Variants in CALN1 observed in about 807,000 individuals in gnomAD.
CALN1 encodes the protein calneuron 1.
In CALN1, 17 loss-of-function variants were observed where a neutral mutation model predicts 30.6. That is an observed-to-expected ratio of 0.56 (90% CI 0.38 to 0.83). The LOEUF is 0.83. Among genes scored for constraint, CALN1 ranks in the 40% least tolerant of loss-of-function variants. CALN1 has a pLI of 0.00. For missense variants in CALN1, 291 were observed against 354.9 expected (o/e 0.82, Z 1.45); for synonymous variants, 156 against 131.4 (o/e 1.19, Z -1.28).
intron 5 of CALN1, among the ~76,000 whole-genome samples, chr7:72,008,731 C>T (rs1426185659): frequency 6.6e-6 from 1 of 150,810 alleles, no homozygotes; most frequent in African/African-American, 2.4e-5. Flanking sequence ...TTTCGGCTCA[C>T]TGCAACCTCC....
chr7:72,482,277 C>T, the CALN1 span, among the ~76,000 whole-genome samples: 1 of 152,092 alleles, frequency 6.6e-6, no homozygotes, highest in African/African-American at 2.4e-5. Flanking sequence ...TTCTTATAGG[C>T]AATATATAAA....
chr7:72,307,458 T>G (rs1799730883), intron 2 of CALN1, among the ~76,000 whole-genome samples: 1 of 152,162 alleles, frequency 6.6e-6, no homozygotes, highest in Non-Finnish European at 1.5e-5. Flanking sequence ...GGTCAGTTCA[T>G]TCACTCGGTC....
At chr7:72,226,261 AAAAG>A (rs1166442355) in intron 3 of CALN1, among the ~76,000 whole-genome samples, 4 of 151,978 alleles carry the variant, frequency 2.6e-5, no homozygotes, top group South Asian at 2.1e-4. Context: ...AATAATTAAA[AAAAG>A]AAAGAAAGAA....
At chr7:71,894,634 A>G (rs766960569) in intron 5 of CALN1, among the ~76,000 whole-genome samples, 5 of 152,216 alleles carry the variant, frequency 3.3e-5, no homozygotes, top group African/African-American at 1.2e-4. Context: ...ATTAGAATAT[A>G]TCTGCCATTT....
intron 5 of CALN1, among the ~76,000 whole-genome samples, chr7:71,968,737 T>A (rs943276376): frequency 5.9e-5 from 9 of 151,338 alleles, no homozygotes; most frequent in African/African-American, 2.2e-4. Flanking sequence ...GATGAGTGCA[T>A]AAGTTTTATC....
intron 3 of CALN1, among the ~76,000 whole-genome samples, chr7:72,137,548 CAAACA>C (rs899027085): frequency 2.6e-5 from 4 of 151,952 alleles, no homozygotes; most frequent in Non-Finnish European, 5.9e-5. Flanking sequence ...AAAAAACAAA[CAAACA>C]AAACAAAACA....
chr7:72,283,723 G>T (rs1797885777), intron 2 of CALN1, among the ~76,000 whole-genome samples: 1 of 152,156 alleles, frequency 6.6e-6, no homozygotes. Flanking sequence ...CCTGACAAAG[G>T]GCAAGCTTCA....
chr7:72,382,212 T>C (rs1804945204), intron 2 of CALN1, among the ~76,000 whole-genome samples: 2 of 152,138 alleles, frequency 1.3e-5, no homozygotes, highest in African/African-American at 2.4e-5. Flanking sequence ...GACCCAGTAA[T>C]GGCTATATCC....
the CALN1 span, among the ~76,000 whole-genome samples, chr7:72,501,928 A>AAAT: frequency 1.7e-3 from 98 of 57,938 alleles, 7 homozygotes; most frequent in Admixed American, 2.5e-3. Context: ...AAAAAAAAAA[A>AAAT]ATATATATAT....
At chr7:71,955,146 G>A (rs1005263966) in intron 5 of CALN1, among the ~76,000 whole-genome samples, 11 of 152,088 alleles carry the variant, frequency 7.2e-5, no homozygotes, top group Admixed American at 6.6e-5. Context: ...AAGGGACATC[G>A]TACATGGCGG....
At chr7:71,951,880 A>C (rs1032534524) in intron 5 of CALN1, among the ~76,000 whole-genome samples, 5 of 151,812 alleles carry the variant, frequency 3.3e-5, no homozygotes, top group South Asian at 2.1e-4. Context: ...AGAATGGTGG[A>C]TCTTCTGATG....
At chr7:72,349,393 A>C (rs1457923923) in intron 2 of CALN1, among the ~76,000 whole-genome samples, 2 of 152,100 alleles carry the variant, frequency 1.3e-5, no homozygotes, top group African/African-American at 4.8e-5. Context: ...ATAAAAGCCT[A>C]AATATACAGC....
intron 5 of CALN1, among the ~76,000 whole-genome samples, chr7:71,844,841 T>C (rs188025852): frequency 6.6e-6 from 1 of 152,332 alleles, no homozygotes; most frequent in East Asian, 1.9e-4. Flanking sequence ...TGTTTTAAAT[T>C]GGAAACAACA....
chr7:71,872,509 A>G (rs1791994052), intron 5 of CALN1, among the ~76,000 whole-genome samples: 1 of 152,172 alleles, frequency 6.6e-6, no homozygotes, highest in African/African-American at 2.4e-5. Context: ...CATTCCTTCA[A>G]CAACTGCACA....
intron 2 of CALN1, among the ~76,000 whole-genome samples, chr7:72,310,653 C>A (rs549367479): frequency 1.3e-4 from 19 of 151,998 alleles, no homozygotes; most frequent in Middle Eastern, 6.8e-3. Flanking sequence ...CCTATAATCC[C>A]AGCACTTTGG....
At chr7:72,287,895 C>CT (rs1463356966) in intron 2 of CALN1, among the ~76,000 whole-genome samples, 1 of 151,978 alleles carries the variant, frequency 6.6e-6, no homozygotes, top group Non-Finnish European at 1.5e-5. Flanking sequence ...AAAATACTAC[C>CT]TGGTTATTGA....
chr7:72,402,615 A>T (rs920255083), intron 2 of CALN1, among the ~76,000 whole-genome samples: 5 of 152,186 alleles, frequency 3.3e-5, no homozygotes, highest in African/African-American at 1.2e-4. Flanking sequence ...TATAGCCATG[A>T]GGGTCTCCGA....
intron 3 of CALN1, among the ~76,000 whole-genome samples, chr7:72,138,750 A>G (rs1208095993): frequency 6.6e-6 from 1 of 152,176 alleles, no homozygotes; most frequent in Non-Finnish European, 1.5e-5. Context: ...ACATGAAAGA[A>G]CCATTGGTCG....
intron 6 of CALN1, among the ~76,000 whole-genome samples, chr7:71,799,458 G>T (rs202209144): frequency 0.036 from 5,236 of 144,478 alleles, 278 homozygotes; most frequent in African/African-American, 0.13. Context: ...TATTTAGTTA[G>T]TTAGTTAGTT....
Sources: gnomAD v4.1 joint callset for allele counts (sites outside exome capture counted in the v4.1 genomes callset) on GRCh38, gnomAD v4.1.1 for gene constraint, MANE v1.5 for transcripts, NCBI Gene and HGNC (gene_info 2026-07-23, HGNC 2026-07-21) for gene names.